VAV2: variants seen among roughly 807,000 people sequenced by gnomAD.
VAV2 encodes the protein guanine nucleotide exchange factor VAV2.
In VAV2, 67 loss-of-function variants were observed where a neutral mutation model predicts 132.5. That is an observed-to-expected ratio of 0.51 (90% CI 0.42 to 0.62). The LOEUF (loss-of-function observed/expected upper bound fraction) is 0.62. VAV2 is among the 20% of genes least tolerant of loss of function. The pLI is 0.00. For synonymous variants in VAV2, 492 were observed against 443.5 expected, an observed-to-expected ratio of 1.11 and a Z score of -1.37; for missense variants, 938 against 1,153.6, an observed-to-expected ratio of 0.81 and a Z score of 2.71.
intron 2 of VAV2, among the ~76,000 whole-genome samples, chr9:133,871,049 T>C (rs1331686004): frequency 7.1e-6 from 1 of 140,042 alleles, no homozygotes; most frequent in Non-Finnish European, 1.5e-5. Context: ...GACAGGTGGA[T>C]AGATGAGTGG....
intron 3 of VAV2, among the ~76,000 whole-genome samples, chr9:133,856,723 G>A (rs372213802): frequency 1.3e-4 from 20 of 152,290 alleles, no homozygotes; most frequent in African/African-American, 3.8e-4. Flanking sequence ...AGGAGGTGCC[G>A]GGGAGAATTT....
At chr9:133,805,010 T>G (rs1835078960) in intron 9 of VAV2, among the ~76,000 whole-genome samples, 1 of 152,070 alleles carries the variant, frequency 6.6e-6, no homozygotes, top group Admixed American at 6.5e-5. Context: ...TTCCTGAAGC[T>G]ACAGAGCACA....
chr9:133,768,629 G>A lies in VAV2; in HGVS notation c.2435-33C>T, dbSNP rs1293491412. 3.1e-6 allele frequency: 5 copies of A among 1,602,954 alleles called. No homozygotes were observed. In the African/African-American group the frequency reaches 4.0e-5, roughly 13 times the overall value. ...GGGAGATGGGCAGCATCACACAGCTGCAGGAGGAGCCCAACCAGTGATCCA... is the reference window on the plus strand; with the variant it reads ...GGGAGATGGGCAGCATCACACAGCTACAGGAGGAGCCCAACCAGTGATCCA... On this transcript the variant is annotated intron_variant, in intron 28 of 29. Coordinates refer to ENST00000371850, the MANE Select transcript of VAV2 (RefSeq NM_001134398.2). This position sits in a 1 kb window ranked among gnomAD's most constrained non-coding sequence, Gnocchi z 5.3.
chr9:133,939,343 T>C (rs1057204581), intron 1 of VAV2, 124 bp from the exon 2 acceptor site: 15 of 881,920 alleles, frequency 1.7e-5, no homozygotes, highest in Non-Finnish European at 2.6e-5. Flanking sequence ...AGCTCATTCC[T>C]GTTTTCTCAA....
intron 2 of VAV2, among the ~76,000 whole-genome samples, chr9:133,917,412 C>G (rs1339745329): frequency 6.7e-6 from 1 of 149,970 alleles, no homozygotes; most frequent in East Asian, 1.9e-4. Flanking sequence ...GAGCTGGGAA[C>G]CCATCATGAG....
intron 2 of VAV2, among the ~76,000 whole-genome samples, chr9:133,862,941 C>T (rs929579871): frequency 5.3e-5 from 8 of 152,194 alleles, no homozygotes; most frequent in East Asian, 1.9e-4. Context: ...CCTTCCTGTA[C>T]GTGCTCGTGA....
At position 133,884,134 on chromosome 9, in the gene VAV2, G is replaced by A. The variant is rs945491384; in HGVS notation, c.322-22702C>T. 4.0e-5 allele frequency among the ~76,000 whole-genome samples: 6 copies of A among 151,806 alleles called. No homozygotes were observed. The highest frequency in any genetic ancestry group is 3.3e-4 in the Admixed American group (5 of 15,236). ...GCCACTGCATTCCAGCCTGGCAACAGCCAGACTCAGTCTCAACCAAAAAAA... is the reference window on the plus strand; with the variant it reads ...GCCACTGCATTCCAGCCTGGCAACAACCAGACTCAGTCTCAACCAAAAAAA... On this transcript the variant is annotated intron_variant, in intron 2 of 29. Coordinates refer to ENST00000371850, the MANE Select transcript of VAV2 (RefSeq NM_001134398.2). The surrounding 1 kb of genome is among the most constrained non-coding windows in gnomAD (Gnocchi z 5.3).
rs1163779422 is a variant in VAV2 at position 133,802,424 on chromosome 9, C to T, written c.836+3657G>A. 1.3e-5 allele frequency among the ~76,000 whole-genome samples: 2 copies of T among 151,584 alleles called. No individual in the cohort carries two copies. The highest frequency in any genetic ancestry group is 6.6e-5 in the Admixed American group (1 of 15,202). On this transcript the variant is annotated intron_variant, in intron 9 of 29. Coordinates refer to ENST00000371850, the MANE Select transcript of VAV2 (RefSeq NM_001134398.2). The surrounding 1 kb of genome is among the most constrained non-coding windows in gnomAD (Gnocchi z 5.8). Reference sequence around the variant, plus strand: ...AGCCTCCCCCTCCCCCGCCCCACTCCGGCTGACTCCTCCCCTGGAGAAAGT... The same window carrying T: ...AGCCTCCCCCTCCCCCGCCCCACTCTGGCTGACTCCTCCCCTGGAGAAAGT...
intron 2 of VAV2, among the ~76,000 whole-genome samples, chr9:133,870,417 C>T (rs1564422087): frequency 6.6e-6 from 1 of 152,042 alleles, no homozygotes; most frequent in Non-Finnish European, 1.5e-5. Context: ...GATCAGGGCT[C>T]GAAAGTCATT....
intron 2 of VAV2, among the ~76,000 whole-genome samples, chr9:133,906,565 G>A (rs939357610): frequency 6.6e-6 from 1 of 152,210 alleles, no homozygotes; most frequent in Non-Finnish European, 1.5e-5. Context: ...ATGAAACCAG[G>A]TCCATGAAAA....
chr9:133,970,031 C>A (rs763291141), intron 1 of VAV2, among the ~76,000 whole-genome samples: 1 of 152,132 alleles, frequency 6.6e-6, no homozygotes, highest in Admixed American at 6.5e-5. Flanking sequence ...GTGGTCTGCA[C>A]CCCCTGGCCT....
intron 18 of VAV2, 50 bp downstream of exon 18, chr9:133,784,267 T>A: frequency 6.3e-7 from 1 of 1,577,868 alleles, no homozygotes. Flanking sequence ...CTCAGGGGCC[T>A]GGGCTGGGCG....
rs1402654736 is a variant in VAV2 at position 133,885,572 on chromosome 9, G to A, written c.322-24140C>T. Among the ~76,000 whole-genome samples the A allele has an allele frequency of 6.6e-6, 1 of 152,200 alleles. No homozygotes were observed. Among genetic ancestry groups the A allele is most frequent in the African/African-American group, 2.4e-5 (1 of 41,440 alleles). ...GCCATTCAGATTTTACACAAGCAAG[G>A]TGCTCAGGCCGCAGGGGAGACGTGA... On this transcript the variant is annotated intron_variant, in intron 2 of 29. Transcript: ENST00000371850. The surrounding 1 kb of genome is among the most constrained non-coding windows in gnomAD (Gnocchi z 5.0).
intron 1 of VAV2, among the ~76,000 whole-genome samples, chr9:133,952,043 TA>T (rs1040623506): frequency 5.9e-5 from 9 of 152,010 alleles, no homozygotes; most frequent in African/African-American, 2.2e-4. Context: ...TTGGTACTCT[TA>T]AAAGGGACCA....
At position 133,812,232 on chromosome 9, in the gene VAV2, C is replaced by A. The variant is rs764071595; in HGVS notation, c.450-16G>T. On this transcript the variant is annotated splice_polypyrimidine_tract_variant and intron_variant, in intron 4 of 29. Transcript: ENST00000371850. ...GTCATGCTCGCTGCACAGGAGGAGGCGGGTTAGAGGGGAGGGGAGGCTCCC... is the reference window on the plus strand; with the variant it reads ...GTCATGCTCGCTGCACAGGAGGAGGAGGGTTAGAGGGGAGGGGAGGCTCCC... The A allele has an allele frequency of 6.2e-7, 1 of 1,612,350 alleles. No homozygotes were observed. The highest frequency in any genetic ancestry group is 8.5e-7 in the Non-Finnish European group (1 of 1,179,098).
chr9:133,896,585 A>G (rs1839213692), intron 2 of VAV2, among the ~76,000 whole-genome samples: 1 of 152,178 alleles, frequency 6.6e-6, no homozygotes, highest in East Asian at 1.9e-4. Flanking sequence ...CACTATGCGA[A>G]ACTTTCAAAC....
chr9:133,914,942 C>G (rs1038857043), intron 2 of VAV2, among the ~76,000 whole-genome samples: 2 of 150,166 alleles, frequency 1.3e-5, no homozygotes, highest in African/African-American at 4.9e-5. Context: ...GTCCACTCAG[C>G]GCCACACCAG....
intron 2 of VAV2, among the ~76,000 whole-genome samples, chr9:133,892,752 G>T (rs1839029497): frequency 6.6e-6 from 1 of 152,160 alleles, no homozygotes; most frequent in South Asian, 2.1e-4. Flanking sequence ...GGACTCACAG[G>T]CCAGAGATGC....
At chr9:133,854,380 T>G (rs1393459609) in intron 3 of VAV2, among the ~76,000 whole-genome samples, 1 of 152,180 alleles carries the variant, frequency 6.6e-6, no homozygotes, top group Non-Finnish European at 1.5e-5. Context: ...CTAACACAGT[T>G]TGTTCTGCCT....
Sources: allele counts gnomAD v4.1 joint callset (sites outside exome capture counted in the v4.1 genomes callset), GRCh38; gene constraint gnomAD v4.1.1; non-coding constraint Gnocchi (gnomAD v3.1); transcripts MANE v1.5; gene names NCBI Gene and HGNC (gene_info 2026-07-23, HGNC 2026-07-21).